MTUS2: variants seen among roughly 807,000 people sequenced by gnomAD.
MTUS2 encodes microtubule associated scaffold protein 2.
Under a neutral mutation model 114.1 loss-of-function variants are expected in MTUS2, and 40 were observed. The observed-to-expected ratio is 0.35, with a 90% CI of 0.27 to 0.46. MTUS2 has a LOEUF of 0.46. Ranked by LOEUF, MTUS2 falls within the 20% of genes least tolerant of loss-of-function variation. The pLI, the probability that MTUS2 is intolerant of heterozygous loss-of-function variation, is 1.00. For missense variants in MTUS2, 1,679 were observed against 1,705.4 expected, an observed-to-expected ratio of 0.98 and a Z score of 0.27; for synonymous variants, 688 against 672.0, an observed-to-expected ratio of 1.02 and a Z score of -0.37.
At chr13:29,458,388 A>T (rs1879262524) in intron 9 of MTUS2, among the ~76,000 whole-genome samples, 1 of 152,248 alleles carries the variant, frequency 6.6e-6, no homozygotes, top group Admixed American at 6.5e-5. Flanking sequence ...TGTTCCGCAT[A>T]AAAGTATTCT....
At chr13:29,120,902 C>T (rs1019347830) in intron 5 of MTUS2, among the ~76,000 whole-genome samples, 3 of 152,162 alleles carry the variant, frequency 2.0e-5, no homozygotes, top group African/African-American at 7.2e-5. Context: ...AAAAGCAGAA[C>T]CTGCTTATGT....
At chr13:29,165,663 G>A (rs1466866205) in intron 5 of MTUS2, among the ~76,000 whole-genome samples, 10 of 152,198 alleles carry the variant, frequency 6.6e-5, no homozygotes, top group Admixed American at 5.9e-4. Flanking sequence ...TGATGCAGTA[G>A]ACGATGTTGT....
At chr13:29,077,588 T>A (rs1255060294) in intron 4 of MTUS2, among the ~76,000 whole-genome samples, 1 of 152,198 alleles carries the variant, frequency 6.6e-6, no homozygotes, top group African/African-American at 2.4e-5. Flanking sequence ...CCGGTCCTGT[T>A]ACCCACTTTA....
At chr13:29,323,677 G>T (rs1288093293) in intron 6 of MTUS2, among the ~76,000 whole-genome samples, 1 of 152,168 alleles carries the variant, frequency 6.6e-6, no homozygotes, top group Admixed American at 6.5e-5. Context: ...ATTTGTATAT[G>T]TGTGTATATT....
At chr13:28,922,605 G>A (rs1881105106) in intron 2 of MTUS2, among the ~76,000 whole-genome samples, 1 of 152,130 alleles carries the variant, frequency 6.6e-6, no homozygotes, top group African/African-American at 2.4e-5. Flanking sequence ...TGCTGTGACA[G>A]AGAAGCATTG....
At chr13:28,906,418 T>G (rs1325007062) in intron 2 of MTUS2, among the ~76,000 whole-genome samples, 1 of 151,272 alleles carries the variant, frequency 6.6e-6, no homozygotes, top group Non-Finnish European at 1.5e-5. Flanking sequence ...CTCTACACAC[T>G]GCTTTGAATG....
chr13:29,266,796 A>AATTTATCT (rs2139485022), intron 5 of MTUS2, among the ~76,000 whole-genome samples: 1 of 152,264 alleles, frequency 6.6e-6, no homozygotes, highest in South Asian at 2.1e-4. Flanking sequence ...TGCAGCCAGT[A>AATTTATCT]ATTTATCTGC....
intron 5 of MTUS2, among the ~76,000 whole-genome samples, chr13:29,190,767 A>G (rs1435984488): frequency 6.6e-6 from 1 of 152,202 alleles, no homozygotes; most frequent in Non-Finnish European, 1.5e-5. Context: ...TCCAGGCAGG[A>G]TGATGGTATT....
At chr13:28,966,724 C>CAAAAAAAAAAAAA (rs10597818) in intron 2 of MTUS2, among the ~76,000 whole-genome samples, 1 of 82,276 alleles carries the variant, frequency 1.2e-5, no homozygotes, top group Non-Finnish European at 2.2e-5. Flanking sequence ...GACCCTGTCT[C>CAAAAAAAAAAAAA]AAAAAAAAAA....
At chr13:29,490,957 G>A (rs1278379444) in intron 11 of MTUS2, among the ~76,000 whole-genome samples, 1 of 151,902 alleles carries the variant, frequency 6.6e-6, no homozygotes, top group East Asian at 1.9e-4. Flanking sequence ...TGGGCAGGAT[G>A]GTGGTATAGC....
intron 2 of MTUS2, among the ~76,000 whole-genome samples, chr13:29,004,553 A>G (rs1034067938): frequency 2.6e-5 from 4 of 152,246 alleles, no homozygotes; most frequent in Non-Finnish European, 4.4e-5. Context: ...AGAAGAAAAC[A>G]TGGATCTTTT....
intron 7 of MTUS2, among the ~76,000 whole-genome samples, chr13:29,325,147 C>A (rs1157174217): frequency 6.6e-6 from 1 of 152,062 alleles, no homozygotes; most frequent in South Asian, 2.1e-4. Flanking sequence ...GCTTGAAAGT[C>A]AAAAATTGCT....
At chr13:29,098,661 A>G (rs1024744583) in intron 4 of MTUS2, among the ~76,000 whole-genome samples, 2 of 152,220 alleles carry the variant, frequency 1.3e-5, no homozygotes, top group Non-Finnish European at 2.9e-5. Flanking sequence ...GAAATCAACA[A>G]TAATGGAATA....
chr13:28,857,500 A>G (rs1245478423), intron 2 of MTUS2, among the ~76,000 whole-genome samples: 3 of 152,192 alleles, frequency 2.0e-5, no homozygotes, highest in African/African-American at 7.2e-5. Flanking sequence ...GAGGGTTTTC[A>G]TATCAAGAGG....
intron 2 of MTUS2, among the ~76,000 whole-genome samples, chr13:29,019,491 A>C (rs1028730981): frequency 6.6e-6 from 1 of 152,242 alleles, no homozygotes; most frequent in Admixed American, 6.5e-5. Context: ...GATGGGCTCC[A>C]CAAGTTTTAA....
rs576835195 is a variant in MTUS2, at chr13:29,011,698, C to G, written c.-242-12759C>G. ...TTAATATATTCCAAGCCTGCTGATC[C>G]AAAATGCTTTCTTCATTACAAAGTC... On this transcript the variant is annotated intron_variant, in intron 2 of 15. Coordinates refer to ENST00000612955, the MANE Select transcript of MTUS2 (RefSeq NM_001033602.4). 7.9e-5 allele frequency among the ~76,000 whole-genome samples: 12 copies of G among 152,258 alleles called. No individual in the cohort carries two copies. In the Middle Eastern group the frequency reaches 0.01, roughly 129 times the overall value.
intron 6 of MTUS2, among the ~76,000 whole-genome samples, chr13:29,302,029 C>T (rs1026146644): frequency 1.3e-5 from 2 of 152,204 alleles, no homozygotes; most frequent in Admixed American, 1.3e-4. Context: ...AAGGCCCCAC[C>T]TTCCATACCA....
intron 2 of MTUS2, among the ~76,000 whole-genome samples, chr13:28,841,112 ATGTCGAG>A (rs139589873): frequency 0.13 from 19,855 of 152,136 alleles, 1,764 homozygotes; most frequent in East Asian, 0.3. Context: ...TGCTTTCAGA[ATGTCGAG>A]TGTATTCATA....
intron 4 of MTUS2, among the ~76,000 whole-genome samples, chr13:29,100,492 A>G (rs1890364575): frequency 6.6e-6 from 1 of 152,134 alleles, no homozygotes; most frequent in African/African-American, 2.4e-5. Flanking sequence ...ATAGCCTTAA[A>G]ATAGAGTTAT....
Sources: allele counts gnomAD v4.1 joint callset (sites outside exome capture counted in the v4.1 genomes callset), GRCh38; gene constraint gnomAD v4.1.1; transcripts MANE v1.5; gene names NCBI Gene and HGNC (gene_info 2026-07-23, HGNC 2026-07-21).